S100A12: variants seen among roughly 807,000 people sequenced by gnomAD.
S100A12 encodes the protein protein S100-A12.
In S100A12, 3 loss-of-function variants were observed where a neutral mutation model predicts 4.0. The ratio of observed to expected loss-of-function variants is 0.75; its 90% CI spans 0.34 to 1.94. S100A12 has a LOEUF of 1.94. Ranked by LOEUF, S100A12 falls within the 30% of genes most tolerant of loss-of-function variation. The pLI is 0.07. For missense variants in S100A12, 122 were observed against 107.0 expected (o/e 1.14, Z -0.62); for synonymous variants, 50 against 41.4 (o/e 1.21, Z -0.79).
At chr1:153,374,672 T>G (rs1415793497) in intron 1 of S100A12, 60 bp from the exon 2 acceptor site, 1 of 1,125,722 alleles carries the variant, frequency 8.9e-7, no homozygotes, top group African/African-American at 1.6e-5. Flanking sequence ...ACCTCCACTC[T>G]CCCCTCTCTT....
At chr1:153,374,062 C>G (rs1358530071) in intron 2 of S100A12, 95 bp from the exon 3 acceptor site, 1 of 1,143,922 alleles carries the variant, frequency 8.7e-7, no homozygotes. Context: ...GTTGTGAAGG[C>G]CCAGGCACAT....
At chr1:153,374,417 G>C (rs375311056) in intron 2 of S100A12, 38 bp downstream of exon 2, 21 of 1,596,602 alleles carry the variant, frequency 1.3e-5, no homozygotes, top group Non-Finnish European at 1.7e-5. Context: ...TCAGTGCAGG[G>C]TCATGGGCAA....
At chr1:153,374,664 C>T in intron 1 of S100A12, 52 bp from the exon 2 acceptor site, 2 of 1,207,686 alleles carry the variant, frequency 1.7e-6, no homozygotes, top group East Asian at 2.3e-5. Context: ...ACCCCTCAAC[C>T]TCCACTCTCC....
Position 153,374,480 on chromosome 1 carries a change from G to T in S100A12, c.113C>A (p.Thr38Lys). The change falls in exon 2 of 3, where the codon ACA becomes AAA. Residue 38 changes from threonine (T) to lysine (K), a missense_variant. By Grantham distance (78) the Thr-to-Lys change is moderately conservative. Transcript: ENST00000368737. ...LSKGELKQLL[T>K]KELANTIKNI... is the part of the protein sequence containing the mutation. ...CTTGATGGTGTTTGCAAGCTCCTTT[G>T]TAAGCAGCTGCTTCAGCTCACCCTT... The T allele has an allele frequency of 1.9e-6, 3 of 1,613,994 alleles. No individual in the cohort carries two copies. The highest frequency in any genetic ancestry group is 1.1e-5 in the South Asian group (1 of 91,074).
intron 1 of S100A12, among the ~76,000 whole-genome samples, 186 bp from the exon 2 acceptor site, chr1:153,374,798 T>C (rs1429402405): frequency 6.6e-6 from 1 of 152,164 alleles, no homozygotes. Context: ...GGAGAAAACA[T>C]ATAATACTGT....
At chr1:153,374,177 T>C (rs1161021802) in intron 2 of S100A12, 1 of 692,658 alleles carries the variant, frequency 1.4e-6, no homozygotes, top group African/African-American at 1.8e-5. Context: ...TGGAAGGTAC[T>C]CTTCTGCTCA....
chr1:153,373,811 G>A lies in S100A12; in HGVS notation c.*16C>T, dbSNP rs759977953. 45 of 1,610,886 alleles carry A rather than the reference G, an allele frequency of 2.8e-5. No homozygotes were observed. Among genetic ancestry groups the A allele is most frequent in the Non-Finnish European group, 3.8e-5 (45 of 1,177,204 alleles). On this transcript the variant is annotated 3_prime_UTR_variant, in exon 3 of 3. Coordinates refer to ENST00000368737, the MANE Select transcript of S100A12 (RefSeq NM_005621.2). ...CATTGAGGACATTGCTGGGTAAAAA[G>A]CCTTCAGAGAGCTACCTACTCTTTG... is the stretch of plus-strand genomic sequence containing the variant.
At chr1:153,374,090 C>T in intron 2 of S100A12, 123 bp from the exon 3 acceptor site, 1 of 907,624 alleles carries the variant, frequency 1.1e-6, no homozygotes, top group Non-Finnish European at 1.8e-6. Flanking sequence ...TTAGCCAACA[C>T]TGTGTTGGAG....
chr1:153,373,814 T>G lies in S100A12; in HGVS notation c.*13A>C. The G allele has an allele frequency of 5.6e-6, 9 of 1,612,382 alleles. No individual in the cohort carries two copies. The highest frequency in any genetic ancestry group is 1.3e-5 in the African/African-American group (1 of 75,030). On this transcript the variant is annotated 3_prime_UTR_variant, in exon 3 of 3. Transcript: ENST00000368737. ...TGAGGACATTGCTGGGTAAAAAGCCTTCAGAGAGCTACCTACTCTTTGTGG... is the reference window on the plus strand; with the variant it reads ...TGAGGACATTGCTGGGTAAAAAGCCGTCAGAGAGCTACCTACTCTTTGTGG...
chr1:153,374,797 A>G (rs1368970564), intron 1 of S100A12, among the ~76,000 whole-genome samples, 185 bp from the exon 2 acceptor site: 2 of 152,180 alleles, frequency 1.3e-5, no homozygotes, highest in African/African-American at 2.4e-5. Flanking sequence ...AGGAGAAAAC[A>G]TATAATACTG....
At position 153,373,779 on chromosome 1, in the gene S100A12, A is replaced by C; in HGVS notation, c.*48T>G. The C allele has an allele frequency of 6.5e-7, 1 of 1,540,096 alleles. No individual in the cohort carries two copies. Reference sequence around the variant, plus strand: ...GCTGGGTTTTGGTGAGGGAAAGAAAAGACCCTCATTGAGGACATTGCTGGG... The same window carrying C: ...GCTGGGTTTTGGTGAGGGAAAGAAACGACCCTCATTGAGGACATTGCTGGG... On this transcript the variant is annotated 3_prime_UTR_variant, in exon 3 of 3. Coordinates refer to ENST00000368737, the MANE Select transcript of S100A12 (RefSeq NM_005621.2).
rs1034346551 is a variant in S100A12, at chr1:153,375,109, C to A, written c.-21+443G>T. Among the ~76,000 whole-genome samples, 3 of 152,146 alleles carry A rather than the reference C, an allele frequency of 2.0e-5. No homozygotes were observed. The South Asian group carries it at 6.2e-4, about 32-fold the overall frequency. On this transcript the variant is annotated intron_variant, in intron 1 of 2. Transcript: ENST00000368737. ...CCGCCCAGGCTGGAGTGCAGTAGGG[C>A]GATCTCGGCTCACTGCAAGTTCTGC...
At chr1:153,375,140 G>A (rs1026277291) in intron 1 of S100A12, among the ~76,000 whole-genome samples, 11 of 152,104 alleles carry the variant, frequency 7.2e-5, no homozygotes, top group Non-Finnish European at 1.2e-4. Context: ...TCTGCCTCCC[G>A]GGTTCACGCC....
rs371566866 is a variant in S100A12, at chr1:153,374,684, C to T, written c.-20-72G>A. 32 of 1,024,440 alleles carry T rather than the reference C, an allele frequency of 3.1e-5. No individual in the cohort carries two copies. In the East Asian group the frequency reaches 6.9e-4, roughly 22 times the overall value. 63.5% of individuals were successfully genotyped at this position (1,024,440 alleles called of 1,614,324 possible). On this transcript the variant is annotated intron_variant, in intron 1 of 2. Transcript: ENST00000368737. ...TCAACCTCCACTCTCCCCTCTCTTT[C>T]TGAATCAAGGGCCTAAAGAAAACAT...
At chr1:153,374,109 G>A in intron 2 of S100A12, 142 bp from the exon 3 acceptor site, 2 of 834,854 alleles carry the variant, frequency 2.4e-6, no homozygotes, top group Admixed American at 1.8e-5. Flanking sequence ...AGAATCCAGT[G>A]TAACAAAACA....
chr1:153,375,328 G>A (rs949698805), intron 1 of S100A12, among the ~76,000 whole-genome samples: 25 of 152,124 alleles, frequency 1.6e-4, no homozygotes, highest in East Asian at 3.9e-4. Flanking sequence ...GATTACAGGC[G>A]TGAGCCACCG....
chr1:153,375,187 C>T (rs1365339668), intron 1 of S100A12, among the ~76,000 whole-genome samples: 1 of 152,182 alleles, frequency 6.6e-6, no homozygotes, highest in African/African-American at 2.4e-5. Context: ...GCTGGGACTA[C>T]AGGCACCCGC....
chr1:153,374,928 C>T (rs1257464200), intron 1 of S100A12, among the ~76,000 whole-genome samples: 1 of 152,222 alleles, frequency 6.6e-6, no homozygotes, highest in Non-Finnish European at 1.5e-5. Context: ...TGTGATTGGC[C>T]AGGCTGTTTG....
intron 1 of S100A12, among the ~76,000 whole-genome samples, chr1:153,374,897 A>G (rs1661692876): frequency 6.6e-6 from 1 of 152,112 alleles, no homozygotes; most frequent in South Asian, 2.1e-4. Context: ...TTGCTTACTC[A>G]AGGTCCCTTG....
Sources: allele counts gnomAD v4.1 joint callset (sites outside exome capture counted in the v4.1 genomes callset), GRCh38; gene constraint gnomAD v4.1.1; transcripts MANE v1.5; gene names NCBI Gene and HGNC (gene_info 2026-07-23, HGNC 2026-07-21).